The following MAP3K13 variants were observed in gnomAD, a reference collection of about 807,000 sequenced individuals.
MAP3K13 encodes mitogen-activated protein kinase kinase kinase 13, also known as leucine zipper-bearing kinase.
A neutral mutation model predicts 104.0 loss-of-function variants in MAP3K13; 52 were observed. That is an observed-to-expected ratio of 0.50 (90% CI 0.40 to 0.63). The LOEUF (loss-of-function observed/expected upper bound fraction) is 0.63. Ranked by LOEUF, MAP3K13 falls within the 20% of genes least tolerant of loss-of-function variation. The pLI is 0.00. For missense variants in MAP3K13, 914 were observed against 1,218.5 expected (o/e 0.75, Z 3.72); for synonymous variants, 394 against 442.2 (o/e 0.89, Z 1.37).
chr3:185,445,985 T>C (rs1715570591), intron 4 of MAP3K13, among the ~76,000 whole-genome samples: 1 of 152,220 alleles, frequency 6.6e-6, no homozygotes, highest in Non-Finnish European at 1.5e-5. Context: ...TTAATCCTTA[T>C]GCATTTTCAC....
At chr3:185,404,844 A>G (rs974701770) in intron 1 of MAP3K13, among the ~76,000 whole-genome samples, 2 of 152,152 alleles carry the variant, frequency 1.3e-5, no homozygotes, top group Non-Finnish European at 2.9e-5. Flanking sequence ...GGCCTCCCAA[A>G]GTGTTGGGAT....
Position 185,482,246 on chromosome 3 carries a change from AC to A in MAP3K13, c.2800-107del, listed in dbSNP as rs1289182048. 4 of 762,308 alleles carry A rather than the reference AC, an allele frequency of 5.2e-6. No homozygotes were observed. The highest frequency in any genetic ancestry group is 9.3e-6 in the Non-Finnish European group (4 of 431,020). 47.2% of individuals were successfully genotyped at this position (762,308 alleles called of 1,614,324 possible). On this transcript the variant is annotated intron_variant, in intron 13 of 13. Coordinates refer to ENST00000265026, the MANE Select transcript of MAP3K13 (RefSeq NM_004721.5). The surrounding 1 kb of genome is among the most constrained non-coding windows in gnomAD (Gnocchi z 4.5). ...ACAAGGACAGGACCTGGTCTCGTTT[AC>A]CTTTGTAGCCCCCTTACCAAGCACA...
intron 1 of MAP3K13, among the ~76,000 whole-genome samples, chr3:185,400,498 A>T (rs1712730545): frequency 6.6e-6 from 1 of 152,248 alleles, no homozygotes; most frequent in Non-Finnish European, 1.5e-5. Flanking sequence ...AACATAGATG[A>T]TTAACATAGC....
chr3:185,390,840 C>A (rs1712005518), intron 1 of MAP3K13, among the ~76,000 whole-genome samples: 1 of 151,874 alleles, frequency 6.6e-6, no homozygotes, highest in Non-Finnish European at 1.5e-5. Flanking sequence ...CCAGGATGGT[C>A]TCGATCTTTT....
intron 2 of MAP3K13, among the ~76,000 whole-genome samples, chr3:185,357,728 C>T (rs1406869484): frequency 6.6e-6 from 1 of 152,132 alleles, no homozygotes; most frequent in African/African-American, 2.4e-5. Flanking sequence ...TTTGTGTTAT[C>T]AGTCAGAGAA....
At chr3:185,361,490 T>C (rs1723623155), upstream of MAP3K13, among the ~76,000 whole-genome samples, 1 of 151,442 alleles carries the variant, frequency 6.6e-6, no homozygotes, top group African/African-American at 2.4e-5. Flanking sequence ...AAGCTCCGCC[T>C]CCCGGGTTCA....
rs1239308173 is a variant in MAP3K13, at chr3:185,455,235, GATAT to G, written c.1278+3847_1278+3850del. ...TGAGATATATATATGATATATATGA[GATAT>G]ATATATGATATATATGAGATATATG... On this transcript the variant is annotated intron_variant, in intron 7 of 13. Coordinates refer to ENST00000265026, the MANE Select transcript of MAP3K13 (RefSeq NM_004721.5). 3.9e-3 allele frequency among the ~76,000 whole-genome samples: 274 copies of G among 69,910 alleles called. 11 individuals carry two copies. The highest frequency in any genetic ancestry group is 5.7e-3 in the South Asian group (11 of 1,920). The allele number at this position is 69,910 out of a possible 152,430, so 45.9% of individuals were successfully genotyped here. A position where few individuals can be genotyped will look rare whatever the true frequency, so the allele number is the denominator to read the frequency against.
At chr3:185,335,391 CAA>C (rs1238333296) in intron 2 of MAP3K13, among the ~76,000 whole-genome samples, 1 of 152,146 alleles carries the variant, frequency 6.6e-6, no homozygotes, top group Admixed American at 6.5e-5. Flanking sequence ...CCCTTCTGCC[CAA>C]AGAGCTGTGA....
At chr3:185,480,158 A>T in intron 12 of MAP3K13, 74 bp from the exon 13 acceptor site, 1 of 1,384,304 alleles carries the variant, frequency 7.2e-7, no homozygotes, top group Non-Finnish European at 1.0e-6. Flanking sequence ...CTCTACCACT[A>T]CTATGAGTGA....
chr3:185,451,847 A>C (rs1269871487), intron 7 of MAP3K13, among the ~76,000 whole-genome samples: 3 of 151,390 alleles, frequency 2.0e-5, no homozygotes, highest in Non-Finnish European at 4.4e-5. Flanking sequence ...AGCCTGGGCA[A>C]CAAGAGCAAA....
chr3:185,405,197 A>G (rs1713043297), intron 1 of MAP3K13, among the ~76,000 whole-genome samples: 1 of 152,206 alleles, frequency 6.6e-6, no homozygotes, highest in Non-Finnish European at 1.5e-5. Flanking sequence ...ACTCAGCCTC[A>G]ATTTTATGCC....
intron 1 of MAP3K13, among the ~76,000 whole-genome samples, chr3:185,402,114 T>C (rs1412256622): frequency 6.6e-6 from 1 of 152,210 alleles, no homozygotes; most frequent in African/African-American, 2.4e-5. Flanking sequence ...GTGTTGCTTT[T>C]CTGGCATTTG....
chr3:185,429,488 C>G (rs1303893548), intron 2 of MAP3K13, among the ~76,000 whole-genome samples: 2 of 152,122 alleles, frequency 1.3e-5, no homozygotes, highest in Non-Finnish European at 2.9e-5. Flanking sequence ...TGCAGTGGTT[C>G]ACACCTATAA....
chr3:185,432,034 T>C (rs1420513481), intron 2 of MAP3K13, among the ~76,000 whole-genome samples: 1 of 152,090 alleles, frequency 6.6e-6, no homozygotes, highest in East Asian at 1.9e-4. Flanking sequence ...CTGGCCCCCA[T>C]GATTTCAAGG....
chr3:185,467,443 G>A (rs1446989309), intron 10 of MAP3K13, among the ~76,000 whole-genome samples: 1 of 152,114 alleles, frequency 6.6e-6, no homozygotes, highest in Non-Finnish European at 1.5e-5. Context: ...TTAATAATGT[G>A]GAAAGTACCT....
chr3:185,454,447 TATATGA>T (rs1232303425), intron 7 of MAP3K13, among the ~76,000 whole-genome samples: 1 of 117,482 alleles, frequency 8.5e-6, no homozygotes, highest in African/African-American at 3.4e-5. Context: ...ATGAGATATA[TATATGA>T]GATATATATG....
intron 1 of MAP3K13, among the ~76,000 whole-genome samples, chr3:185,400,905 G>GTTTTTTTTTTTTTTTTTT (rs71164506): frequency 9.3e-5 from 10 of 107,280 alleles, no homozygotes; most frequent in African/African-American, 1.1e-4. Flanking sequence ...GTGTTTGTTT[G>GTTTTTTTTTTTTTTTTTT]TTTTTTTTTT....
At chr3:185,437,771 G>A in intron 3 of MAP3K13, 141 bp downstream of exon 3, 12 of 786,562 alleles carry the variant, frequency 1.5e-5, no homozygotes, top group Non-Finnish European at 2.3e-5. Context: ...AGGGTATCAA[G>A]GAACTATTAA....
chr3:185,394,574 T>G (rs1712268289), intron 1 of MAP3K13, among the ~76,000 whole-genome samples: 1 of 152,228 alleles, frequency 6.6e-6, no homozygotes, highest in African/African-American at 2.4e-5. Context: ...GCTACATAAC[T>G]ATTCCAGGGT....
Sources: gnomAD v4.1 joint callset for allele counts (sites outside exome capture counted in the v4.1 genomes callset) on GRCh38, gnomAD v4.1.1 for gene constraint, Gnocchi (gnomAD v3.1) non-coding constraint, MANE v1.5 for transcripts, NCBI Gene and HGNC (gene_info 2026-07-23, HGNC 2026-07-21) for gene names.